Variants in PDE3B observed in about 807,000 individuals in gnomAD.
PDE3B encodes cGMP-inhibited 3',5'-cyclic phosphodiesterase 3B.
A neutral mutation model predicts 116.8 loss-of-function variants in PDE3B; 66 were observed. The observed-to-expected ratio is 0.56, with a 90% CI of 0.46 to 0.69. The LOEUF is 0.69. PDE3B is among the 30% of genes least tolerant of loss of function. The pLI, the probability that PDE3B is intolerant of heterozygous loss-of-function variation, is 0.00. For synonymous variants in PDE3B, 595 were observed against 533.6 expected, an observed-to-expected ratio of 1.12 and a Z score of -1.59; for missense variants, 1,384 against 1,368.1, an observed-to-expected ratio of 1.01 and a Z score of -0.18.
At chr11:14,779,420 A>G (rs1857898535) in intron 2 of PDE3B, among the ~76,000 whole-genome samples, 1 of 152,230 alleles carries the variant, frequency 6.6e-6, no homozygotes, top group Non-Finnish European at 1.5e-5. Flanking sequence ...GCCAGAGAGA[A>G]AGGTCGGGTT....
intron 2 of PDE3B, 114 bp from the exon 3 acceptor site, chr11:14,786,323 C>T (rs1374030380): frequency 2.8e-6 from 2 of 715,482 alleles, no homozygotes; most frequent in African/African-American, 1.8e-5. Context: ...AATTAAAGTT[C>T]ACGGTTATTT....
At chr11:14,743,529 C>T (rs1311899656) in intron 1 of PDE3B, among the ~76,000 whole-genome samples, 1 of 152,214 alleles carries the variant, frequency 6.6e-6, no homozygotes, top group Non-Finnish European at 1.5e-5. Context: ...AGCTAGACCA[C>T]TGGGCTCCCT....
At chr11:14,876,232 T>C (rs1178441467), downstream of PDE3B, among the ~76,000 whole-genome samples, 1 of 152,062 alleles carries the variant, frequency 6.6e-6, no homozygotes, top group Non-Finnish European at 1.5e-5. Flanking sequence ...TCAGGAAGGT[T>C]GGGGCAGGAT....
chr11:14,798,551 T>C (rs767253310), intron 4 of PDE3B, among the ~76,000 whole-genome samples: 4 of 152,196 alleles, frequency 2.6e-5, no homozygotes, highest in Non-Finnish European at 5.9e-5. Flanking sequence ...GCTGTGAATC[T>C]GTCTGGTCCT....
chr11:14,726,666 G>T (rs1197412744), intron 1 of PDE3B, among the ~76,000 whole-genome samples: 1 of 152,170 alleles, frequency 6.6e-6, no homozygotes, highest in Non-Finnish European at 1.5e-5. Flanking sequence ...GAAACTAAGA[G>T]AGGAAATGTT....
At position 14,869,485 on chromosome 11, in the gene PDE3B, G is replaced by A. The variant is rs140182781; in HGVS notation, c.3164G>A (p.Arg1055Gln). 44 of 1,612,574 alleles carry A rather than the reference G, an allele frequency of 2.7e-5. No homozygotes were observed. Among genetic ancestry groups the A allele is most frequent in the African/African-American group, 9.4e-5 (7 of 74,600 alleles). Residue 1055 changes from arginine (R) to glutamine (Q), a missense_variant, in exon 16 of 16, where the codon CGG becomes CAG. Arg to Gln is a conservative substitution (Grantham distance 43). Transcript: ENST00000282096. ...NPKPPRRKSR[R>Q]RIFCQLMHHL... ...GAACCACCAAGAAGGAAAAGCAGAC[G>A]GCGAATATTTTGTCAGCTAATGCAC...
chr11:14,766,319 T>A (rs1424786668), intron 1 of PDE3B, among the ~76,000 whole-genome samples: 1 of 151,152 alleles, frequency 6.6e-6, no homozygotes, highest in Non-Finnish European at 1.5e-5. Flanking sequence ...TCAGCAGGGG[T>A]TTTTTGGCTG....
chr11:14,767,418 G>A (rs10832301), intron 1 of PDE3B, among the ~76,000 whole-genome samples: 53,420 of 150,980 alleles, frequency 0.35, 10,771 homozygotes, highest in South Asian at 0.46. Context: ...GTTTGCATTA[G>A]AGTCCTATTC....
chr11:14,830,780 C>T lies in PDE3B; in HGVS notation c.1890C>T (p.Ser630=). The T allele has an allele frequency of 6.5e-7, 1 of 1,541,564 alleles. No individual in the cohort carries two copies. Among genetic ancestry groups the T allele is most frequent in the Non-Finnish European group, 8.7e-7 (1 of 1,149,286 alleles). ...AAGAGGAAACAGAGAAGAAAGACAG[C>T]AGAAAATTATTTCAGGAAGGTGATA... ...QQEEETEKKD[S]RKLFQEGDKW... is the part of the protein sequence containing the mutation. Residue 630 remains serine, a synonymous_variant, in exon 8 of 16, where the codon AGC becomes AGT. Coordinates refer to ENST00000282096, the MANE Select transcript of PDE3B (RefSeq NM_000922.4).
chr11:14,866,018 G>A (rs372628157), intron 14 of PDE3B, among the ~76,000 whole-genome samples: 3 of 152,146 alleles, frequency 2.0e-5, no homozygotes, highest in African/African-American at 7.2e-5. Flanking sequence ...TCTCCAATAC[G>A]ACCTTGGTTG....
At chr11:14,742,445 TGTTCTTCTCTAAACTG>T (rs771083475) in intron 1 of PDE3B, among the ~76,000 whole-genome samples, 41 of 152,216 alleles carry the variant, frequency 2.7e-4, no homozygotes, top group Non-Finnish European at 5.1e-4. Context: ...AGATCATTTA[TGTTCTTCTCTAAACTG>T]GTTATTCTAG....
chr11:14,844,089 C>G (rs920591299), intron 12 of PDE3B, 63 bp downstream of exon 12: 6 of 1,203,112 alleles, frequency 5.0e-6, no homozygotes, highest in Non-Finnish European at 6.1e-6. Context: ...TGCTGTGTAT[C>G]CCTTTATAAA....
the PDE3B span, among the ~76,000 whole-genome samples, chr11:14,883,108 C>G: frequency 6.6e-6 from 1 of 152,078 alleles, no homozygotes; most frequent in Admixed American, 6.6e-5. Context: ...GCCATACTGC[C>G]CAAGGTAATT....
At chr11:14,754,055 A>G (rs934980410) in intron 1 of PDE3B, among the ~76,000 whole-genome samples, 1 of 151,966 alleles carries the variant, frequency 6.6e-6, no homozygotes, top group African/African-American at 2.4e-5. Context: ...TTTATAAACA[A>G]CTAAGACTTT....
At chr11:14,880,493 T>C in the PDE3B span, 1 of 1,613,564 alleles carries the variant, frequency 6.2e-7, no homozygotes. Flanking sequence ...ACATTTTCAC[T>C]AAATAACTCA....
chr11:14,697,694 G>C (rs572672419), intron 1 of PDE3B, among the ~76,000 whole-genome samples: 1 of 152,170 alleles, frequency 6.6e-6, no homozygotes, highest in Admixed American at 6.5e-5. Context: ...TAGCAATATT[G>C]AGTCTTTTGA....
chr11:14,845,751 G>T (rs928626618), intron 12 of PDE3B, among the ~76,000 whole-genome samples: 1 of 152,156 alleles, frequency 6.6e-6, no homozygotes, highest in African/African-American at 2.4e-5. Context: ...GATGGAAGAT[G>T]AAACGAATGA....
At chr11:14,808,776 C>T (rs960516304) in intron 5 of PDE3B, among the ~76,000 whole-genome samples, 5 of 152,068 alleles carry the variant, frequency 3.3e-5, no homozygotes, top group African/African-American at 1.2e-4. Flanking sequence ...TTACAGTTAG[C>T]ATTGAAAAAA....
chr11:14,871,359 C>T lies in PDE3B; in HGVS notation c.*1699C>T, dbSNP rs1848137989. ...CCACTTATTACTAATAAAATTTTGA[C>T]TGATAATTTATATTTGCACTTACAA... On this transcript the variant is annotated 3_prime_UTR_variant, in exon 16 of 16. Transcript: ENST00000282096. 1.3e-5 allele frequency: 2 copies of T among 152,074 alleles called. No individual in the cohort carries two copies. The allele number at this position is 152,074 out of a possible 1,614,324, so 9.4% of individuals were successfully genotyped here.
Sources: allele counts gnomAD v4.1 joint callset (sites outside exome capture counted in the v4.1 genomes callset), GRCh38; gene constraint gnomAD v4.1.1; transcripts MANE v1.5; gene names NCBI Gene and HGNC (gene_info 2026-07-23, HGNC 2026-07-21).